Variants in ATP8A2 observed in about 807,000 individuals in gnomAD.
ATP8A2 encodes phospholipid-transporting ATPase IB.
ATP8A2 carries 100 observed loss-of-function variants against 165.6 expected under a neutral mutation model. That is an observed-to-expected ratio of 0.60 (90% CI 0.51 to 0.71). ATP8A2 has a LOEUF of 0.71. Ranked by LOEUF, ATP8A2 falls within the 30% of genes least tolerant of loss-of-function variation. ATP8A2 has a pLI of 0.00. For missense variants in ATP8A2, 1,227 were observed against 1,479.5 expected (o/e 0.83, Z 2.80); for synonymous variants, 543 against 548.8 (o/e 0.99, Z 0.15).
intron 24 of ATP8A2, among the ~76,000 whole-genome samples, chr13:25,605,219 A>G (rs1489934552): frequency 6.6e-6 from 1 of 152,204 alleles, no homozygotes; most frequent in East Asian, 1.9e-4. Flanking sequence ...TTCTTCCTAT[A>G]TAAGGTAACT....
chr13:25,919,158 T>G (rs1251802362), intron 33 of ATP8A2, among the ~76,000 whole-genome samples: 1 of 152,350 alleles, frequency 6.6e-6, no homozygotes, highest in Admixed American at 6.5e-5. Flanking sequence ...TAATATGTTC[T>G]TTTCCAAAAG....
intron 2 of ATP8A2, among the ~76,000 whole-genome samples, chr13:25,473,850 A>G (rs1385141510): frequency 6.6e-6 from 1 of 152,196 alleles, no homozygotes; most frequent in Non-Finnish European, 1.5e-5. Flanking sequence ...TATATATCTA[A>G]ATTTTCAAGA....
intron 24 of ATP8A2, among the ~76,000 whole-genome samples, chr13:25,668,094 A>C (rs1415514016): frequency 1.3e-5 from 2 of 152,196 alleles, no homozygotes; most frequent in African/African-American, 4.8e-5. Context: ...TACGTAAATA[A>C]TGAATTTTAT....
At chr13:25,719,467 GTGGATGGATGGATGGA>G (rs1193366855) in intron 25 of ATP8A2, among the ~76,000 whole-genome samples, 1 of 150,134 alleles carries the variant, frequency 6.7e-6, no homozygotes, top group African/African-American at 2.5e-5. Context: ...GGGTGGATGG[GTGGATGGATGGATGGA>G]TGGATGGATG....
At chr13:25,989,818 C>T (rs1335274542) in intron 35 of ATP8A2, among the ~76,000 whole-genome samples, 2 of 152,158 alleles carry the variant, frequency 1.3e-5, no homozygotes, top group Non-Finnish European at 2.9e-5. Flanking sequence ...TCATGCTTCC[C>T]GGAAGGGTGA....
intron 27 of ATP8A2, among the ~76,000 whole-genome samples, chr13:25,795,771 A>G (rs1485746721): frequency 6.6e-6 from 1 of 152,222 alleles, no homozygotes; most frequent in Non-Finnish European, 1.5e-5. Context: ...CAAGATAGAG[A>G]AAAATTAATT....
At chr13:25,986,695 GATGTTGTCCCCTC>G (rs1956285815) in intron 35 of ATP8A2, among the ~76,000 whole-genome samples, 4 of 152,204 alleles carry the variant, frequency 2.6e-5, no homozygotes, top group African/African-American at 9.7e-5. Context: ...TCAACATACT[GATGTTGTCCCCTC>G]TGGATGTATA....
chr13:25,692,264 G>A (rs759202927), intron 24 of ATP8A2, among the ~76,000 whole-genome samples: 4 of 152,224 alleles, frequency 2.6e-5, no homozygotes, highest in Non-Finnish European at 5.9e-5. Flanking sequence ...CGAAGGCTAA[G>A]CATGGTGTGG....
chr13:25,829,910 C>T (rs1951420439), intron 28 of ATP8A2, among the ~76,000 whole-genome samples: 1 of 150,870 alleles, frequency 6.6e-6, no homozygotes, highest in Non-Finnish European at 1.5e-5. Flanking sequence ...GCCCACAGAC[C>T]ATTTGCAGGA....
intron 24 of ATP8A2, among the ~76,000 whole-genome samples, chr13:25,609,534 G>GGGATTCAAATATATATATATATATTA (rs2040605677): frequency 2.4e-5 from 1 of 42,296 alleles, no homozygotes; most frequent in South Asian, 7.3e-4. Flanking sequence ...ATATATATTT[G>GGGATTCAAATATATATATATATATTA]GGATTCAAAT....
intron 2 of ATP8A2, among the ~76,000 whole-genome samples, chr13:25,478,340 GTGTT>G (rs1330056446): frequency 6.6e-6 from 1 of 152,126 alleles, no homozygotes; most frequent in Non-Finnish European, 1.5e-5. Context: ...TTGCATCTAA[GTGTT>G]TGTTCTACTA....
At chr13:25,588,893 G>A (rs908948922) in intron 23 of ATP8A2, among the ~76,000 whole-genome samples, 5 of 152,156 alleles carry the variant, frequency 3.3e-5, no homozygotes, top group Non-Finnish European at 7.3e-5. Flanking sequence ...GTGGATTGGA[G>A]GGGAGGCATC....
In ATP8A2 at chr13:25,531,299, T is replaced by A. The variant is rs28601601; in HGVS notation, c.420+639T>A. ...ATATATGTTATATATGATATATATG[T>A]TATATATGATATATATGTTATATAT... On this transcript the variant is annotated intron_variant, in intron 4 of 36. Coordinates refer to ENST00000381655, the MANE Select transcript of ATP8A2 (RefSeq NM_016529.6). Among the ~76,000 whole-genome samples, 364 of 104,708 alleles carry A rather than the reference T, an allele frequency of 3.5e-3. 4 individuals are homozygous for A. Among genetic ancestry groups the A allele is most frequent in the African/African-American group, 0.014 (317 of 23,320 alleles). The allele number at this position is 104,708 out of a possible 152,430, so 68.7% of individuals were successfully genotyped here. A position where few individuals can be genotyped will look rare whatever the true frequency, so the allele number is the denominator to read the frequency against.
At chr13:25,673,933 C>T (rs566822697) in intron 24 of ATP8A2, among the ~76,000 whole-genome samples, 19 of 152,188 alleles carry the variant, frequency 1.2e-4, no homozygotes, top group African/African-American at 4.1e-4. Context: ...GTCCATATGC[C>T]GCTTTGTCAT....
At chr13:25,554,541 G>A (rs1051501682) in intron 12 of ATP8A2, among the ~76,000 whole-genome samples, 22 of 151,500 alleles carry the variant, frequency 1.5e-4, no homozygotes, top group South Asian at 2.1e-4. Flanking sequence ...GTGTGTGTGT[G>A]TGTGTGTGTG....
intron 25 of ATP8A2, among the ~76,000 whole-genome samples, chr13:25,717,106 CCTG>C (rs2043271124): frequency 6.6e-6 from 1 of 152,190 alleles, no homozygotes; most frequent in Admixed American, 6.5e-5. Context: ...TGCATATCCA[CCTG>C]CTGGCAGCAT....
At chr13:25,492,008 G>A (rs1368019734) in intron 2 of ATP8A2, among the ~76,000 whole-genome samples, 1 of 152,032 alleles carries the variant, frequency 6.6e-6, no homozygotes, top group African/African-American at 2.4e-5. Flanking sequence ...CTTTTTTTTG[G>A]ACGATAAAAA....
chr13:25,575,859 G>A (rs1043756905), intron 19 of ATP8A2, among the ~76,000 whole-genome samples: 1 of 152,092 alleles, frequency 6.6e-6, no homozygotes, highest in Non-Finnish European at 1.5e-5. Flanking sequence ...ACATTAACTG[G>A]GACCAGCAGT....
intron 25 of ATP8A2, among the ~76,000 whole-genome samples, chr13:25,719,431 G>GTGGGTGGA (rs546406468): frequency 1.6e-4 from 25 of 151,852 alleles, no homozygotes; most frequent in East Asian, 3.9e-4. Flanking sequence ...GAAAGGTTGG[G>GTGGGTGGA]TGGGTGGATG....
Sources: allele counts gnomAD v4.1 joint callset (sites outside exome capture counted in the v4.1 genomes callset), GRCh38; gene constraint gnomAD v4.1.1; transcripts MANE v1.5; gene names NCBI Gene and HGNC (gene_info 2026-07-23, HGNC 2026-07-21).